The following SGCZ variants were observed in gnomAD, a reference collection of about 807,000 sequenced individuals.
SGCZ encodes zeta-sarcoglycan.
A neutral mutation model predicts 41.3 loss-of-function variants in SGCZ; 40 were observed. The observed-to-expected ratio is 0.97, with a 90% confidence interval of 0.75 to 1.26. The LOEUF is 1.26. Among genes scored for constraint, SGCZ ranks in the 50% most tolerant of loss-of-function variants. The probability of loss-of-function intolerance (pLI) is 0.00; values close to 1 mark genes in which losing one functional copy is unlikely to be tolerated. For missense variants in SGCZ, 552 were observed against 369.8 expected, an observed-to-expected ratio of 1.49 and a Z score of -4.04; for synonymous variants, 206 against 137.5, an observed-to-expected ratio of 1.50 and a Z score of -3.49.
At chr8:14,758,047 C>A (rs1022279196) in intron 1 of SGCZ, among the ~76,000 whole-genome samples, 3 of 151,992 alleles carry the variant, frequency 2.0e-5, no homozygotes, top group East Asian at 1.9e-4. Flanking sequence ...AAATATTATA[C>A]CCATTTCCAG....
intron 5 of SGCZ, among the ~76,000 whole-genome samples, chr8:14,163,033 G>C (rs1804094186): frequency 6.6e-6 from 1 of 152,014 alleles, no homozygotes; most frequent in Non-Finnish European, 1.5e-5. Context: ...TTCATGCCTG[G>C]TTAATTTTCA....
chr8:14,319,011 G>C (rs1394252273), intron 3 of SGCZ, among the ~76,000 whole-genome samples: 1 of 151,620 alleles, frequency 6.6e-6, no homozygotes, highest in Non-Finnish European at 1.5e-5. Flanking sequence ...TGGAATCGTA[G>C]AAAAACTCTA....
At chr8:14,883,956 T>C (rs1011822322) in intron 1 of SGCZ, among the ~76,000 whole-genome samples, 8 of 151,924 alleles carry the variant, frequency 5.3e-5, no homozygotes, top group African/African-American at 1.9e-4. Context: ...ATAGAAGGAG[T>C]ATCTCCTTAC....
chr8:14,401,000 A>C (rs1413796174), intron 2 of SGCZ, among the ~76,000 whole-genome samples: 1 of 152,154 alleles, frequency 6.6e-6, no homozygotes, highest in Non-Finnish European at 1.5e-5. Flanking sequence ...AATCAGTGGA[A>C]CATGGTTTGG....
At chr8:14,232,409 A>C (rs1410925580) in intron 4 of SGCZ, among the ~76,000 whole-genome samples, 3 of 152,012 alleles carry the variant, frequency 2.0e-5, no homozygotes, top group Non-Finnish European at 2.9e-5. Flanking sequence ...TGAAAAAGGA[A>C]ACTCATAATA....
chr8:14,917,718 C>A (rs973056516), intron 1 of SGCZ, among the ~76,000 whole-genome samples: 3 of 152,044 alleles, frequency 2.0e-5, no homozygotes, highest in Non-Finnish European at 2.9e-5. Context: ...AAGACTATGT[C>A]TTTCAAAGCT....
intron 1 of SGCZ, among the ~76,000 whole-genome samples, chr8:14,632,205 T>C (rs1373965207): frequency 2.0e-5 from 3 of 151,812 alleles, no homozygotes; most frequent in South Asian, 2.1e-4. Flanking sequence ...TTTTTTTTTA[T>C]AGAGACAAGG....
chr8:14,657,283 C>T (rs1807607801), intron 1 of SGCZ, among the ~76,000 whole-genome samples: 1 of 151,942 alleles, frequency 6.6e-6, no homozygotes, highest in South Asian at 2.1e-4. Flanking sequence ...AGATGGTGGC[C>T]TTACCATGTA....
chr8:15,065,564 C>A (rs959334672), intron 1 of SGCZ, among the ~76,000 whole-genome samples: 8 of 151,930 alleles, frequency 5.3e-5, no homozygotes, highest in Admixed American at 4.6e-4. Context: ...CCTACCTCAG[C>A]CTCTTGAGTA....
rs199980199 is a variant in SGCZ at position 15,064,534 on chromosome 8, C to CAA, written c.39+173049_39+173050dup. On this transcript the variant is annotated intron_variant, in intron 1 of 7. Transcript: ENST00000382080. ...CTCAAGAACAAACCTCCAGGCCTCTCAAAAAAAAAAAAAAAAAAAAAAAAA... is the reference window on the plus strand; with the variant it reads ...CTCAAGAACAAACCTCCAGGCCTCTCAAAAAAAAAAAAAAAAAAAAAAAAAAA... Among the ~76,000 whole-genome samples, 178 of 132,040 alleles carry CAA rather than the reference C, an allele frequency of 1.3e-3. 3 individuals are homozygous for CAA. The highest frequency in any genetic ancestry group is 9.7e-3 in the East Asian group (42 of 4,312). The allele number at this position is 132,040 out of a possible 152,430, so 86.6% of individuals were successfully genotyped here.
At chr8:14,218,201 T>C (rs1045989262) in intron 4 of SGCZ, among the ~76,000 whole-genome samples, 2 of 152,206 alleles carry the variant, frequency 1.3e-5, no homozygotes, top group African/African-American at 2.4e-5. Flanking sequence ...ATCTTGTTCA[T>C]AGAAAGTAAA....
intron 3 of SGCZ, among the ~76,000 whole-genome samples, chr8:14,260,073 C>A (rs1799601618): frequency 6.6e-6 from 1 of 152,052 alleles, no homozygotes; most frequent in African/African-American, 2.4e-5. Flanking sequence ...CTCTTTGAAG[C>A]AATTGTGAAT....
chr8:15,024,041 A>C (rs1803357150), intron 1 of SGCZ, among the ~76,000 whole-genome samples: 1 of 152,322 alleles, frequency 6.6e-6, no homozygotes, highest in Admixed American at 6.5e-5. Flanking sequence ...ACAAAAGTTA[A>C]CTTGACTATC....
At chr8:14,724,177 C>T (rs1362203620) in intron 1 of SGCZ, among the ~76,000 whole-genome samples, 1 of 152,002 alleles carries the variant, frequency 6.6e-6, no homozygotes, top group Non-Finnish European at 1.5e-5. Flanking sequence ...AAAGGCTTTC[C>T]AGTATTTGAC....
intron 1 of SGCZ, among the ~76,000 whole-genome samples, chr8:14,904,215 T>G (rs1363853795): frequency 6.6e-6 from 1 of 152,054 alleles, no homozygotes; most frequent in East Asian, 1.9e-4. Flanking sequence ...CTCTGAAAAT[T>G]CTTCCCCCTG....
intron 4 of SGCZ, among the ~76,000 whole-genome samples, chr8:14,167,522 T>C (rs1804245334): frequency 6.6e-6 from 1 of 151,982 alleles, no homozygotes; most frequent in Admixed American, 6.6e-5. Flanking sequence ...GGAACATCTC[T>C]GAGAAAGTTT....
At chr8:14,719,656 T>G (rs1332707993) in intron 1 of SGCZ, among the ~76,000 whole-genome samples, 1 of 152,060 alleles carries the variant, frequency 6.6e-6, no homozygotes, top group Non-Finnish European at 1.5e-5. Context: ...TGTCTTCTTT[T>G]GAGAAGTGTC....
chr8:14,307,900 T>C (rs1230443689), intron 3 of SGCZ, among the ~76,000 whole-genome samples: 8 of 152,128 alleles, frequency 5.3e-5, no homozygotes, highest in Admixed American at 5.2e-4. Flanking sequence ...ATTATTTGCA[T>C]ACCAAAGTTT....
At chr8:14,835,778 C>G (rs1176087226) in intron 1 of SGCZ, among the ~76,000 whole-genome samples, 1 of 152,182 alleles carries the variant, frequency 6.6e-6, no homozygotes. Flanking sequence ...CCAAAAGCCA[C>G]TGATTCTCAA....
Sources: gnomAD v4.1 joint callset for allele counts (sites outside exome capture counted in the v4.1 genomes callset) on GRCh38, gnomAD v4.1.1 for gene constraint, MANE v1.5 for transcripts, NCBI Gene and HGNC (gene_info 2026-07-23, HGNC 2026-07-21) for gene names.